The following CSMD1 variants were observed in gnomAD, a reference collection of about 807,000 sequenced individuals.
The protein encoded by CSMD1 is CUB and Sushi multiple domains 1, also known as CUB and sushi domain-containing protein 1.
In CSMD1, 213 loss-of-function variants were observed where a neutral mutation model predicts 417.5. The ratio of observed to expected loss-of-function variants is 0.51; its 90% CI spans 0.46 to 0.57. CSMD1 has a LOEUF of 0.57. Ranked by LOEUF, CSMD1 falls within the 20% of genes least tolerant of loss-of-function variation. The pLI, the probability that CSMD1 is intolerant of heterozygous loss-of-function variation, is 0.00. For synonymous variants in CSMD1, 2,862 were observed against 1,736.8 expected (o/e 1.65, Z -16.11); for missense variants, 6,923 against 4,529.7 (o/e 1.53, Z -15.17).
chr8:4,150,851 G>C (rs1015149963), intron 3 of CSMD1, among the ~76,000 whole-genome samples: 1 of 149,450 alleles, frequency 6.7e-6, no homozygotes, highest in Admixed American at 6.7e-5. Context: ...TTAACAATAT[G>C]GATTATAAAT....
chr8:3,978,824 G>C (rs1044899644), intron 5 of CSMD1, among the ~76,000 whole-genome samples: 1 of 152,052 alleles, frequency 6.6e-6, no homozygotes. Context: ...GATTTACTGA[G>C]GTCTCGTCTC....
At chr8:4,622,979 T>A (rs924247375) in intron 2 of CSMD1, among the ~76,000 whole-genome samples, 1 of 152,090 alleles carries the variant, frequency 6.6e-6, no homozygotes, top group Admixed American at 6.6e-5. Context: ...TCACATGAAA[T>A]CAGGAAACAC....
chr8:4,818,627 C>T (rs1799343699), intron 1 of CSMD1, among the ~76,000 whole-genome samples: 1 of 151,866 alleles, frequency 6.6e-6, no homozygotes. Context: ...AGGGAAAGTG[C>T]CAGTAAAAGG....
intron 59 of CSMD1, 25 bp from the exon 60 acceptor site, chr8:2,963,420 C>T (rs1318391175): frequency 1.2e-6 from 2 of 1,606,768 alleles, no homozygotes; most frequent in South Asian, 2.2e-5. Context: ...CAAACAAGAT[C>T]AACATTCCGG....
At chr8:3,140,444 A>G (rs988873593) in intron 41 of CSMD1, among the ~76,000 whole-genome samples, 1 of 152,204 alleles carries the variant, frequency 6.6e-6, no homozygotes, top group South Asian at 2.1e-4. Flanking sequence ...AAGAAGGGGA[A>G]CACAGAAAGA....
At chr8:4,133,742 TTTA>T (rs911031390) in intron 3 of CSMD1, among the ~76,000 whole-genome samples, 8 of 152,300 alleles carry the variant, frequency 5.3e-5, no homozygotes, top group African/African-American at 1.9e-4. Context: ...TATGGTTTTT[TTTA>T]TTATTTTATA....
intron 6 of CSMD1, among the ~76,000 whole-genome samples, chr8:3,746,748 C>T (rs956824359): frequency 2.0e-5 from 3 of 152,106 alleles, no homozygotes; most frequent in African/African-American, 7.2e-5. Context: ...TTACCAGATA[C>T]CCAGAAGCTG....
chr8:4,710,237 T>G (rs1305067724), intron 1 of CSMD1, among the ~76,000 whole-genome samples: 1 of 151,966 alleles, frequency 6.6e-6, no homozygotes, highest in Non-Finnish European at 1.5e-5. Context: ...TTCAAGGTAC[T>G]ATGAAATACA....
At chr8:3,820,902 C>G (rs190739141) in intron 5 of CSMD1, among the ~76,000 whole-genome samples, 1 of 151,820 alleles carries the variant, frequency 6.6e-6, no homozygotes, top group Non-Finnish European at 1.5e-5. Flanking sequence ...AAGGACCTGC[C>G]TGAGGGTGTT....
At chr8:4,560,165 T>A (rs1005503497) in intron 2 of CSMD1, among the ~76,000 whole-genome samples, 4 of 152,164 alleles carry the variant, frequency 2.6e-5, no homozygotes, top group Non-Finnish European at 5.9e-5. Flanking sequence ...ACCGCGCTCA[T>A]CTCACCGCAC....
intron 12 of CSMD1, among the ~76,000 whole-genome samples, chr8:3,415,365 T>C (rs1197254564): frequency 6.6e-6 from 1 of 152,228 alleles, no homozygotes; most frequent in Admixed American, 6.5e-5. Flanking sequence ...ACATGTTGCA[T>C]TTATTTATTT....
At chr8:3,397,464 T>C (rs564423684) in intron 16 of CSMD1, among the ~76,000 whole-genome samples, 71 of 152,336 alleles carry the variant, frequency 4.7e-4, no homozygotes, top group African/African-American at 1.7e-3. Flanking sequence ...CTGCAACTAG[T>C]GAATGTGGTA....
At chr8:4,546,550 C>G (rs1378348455) in intron 2 of CSMD1, among the ~76,000 whole-genome samples, 1 of 152,130 alleles carries the variant, frequency 6.6e-6, no homozygotes, top group South Asian at 2.1e-4. Context: ...TTCTCCTACC[C>G]TAGTACATCA....
intron 1 of CSMD1, among the ~76,000 whole-genome samples, chr8:4,992,481 G>C (rs1811523464): frequency 2.0e-5 from 3 of 152,208 alleles, no homozygotes; most frequent in African/African-American, 7.2e-5. Flanking sequence ...TGGAGTGCAG[G>C]GGAAAGGGCG....
At chr8:4,048,529 G>A (rs952059172) in intron 3 of CSMD1, among the ~76,000 whole-genome samples, 9 of 152,110 alleles carry the variant, frequency 5.9e-5, no homozygotes, top group African/African-American at 2.4e-5. Flanking sequence ...CATCCCTCAG[G>A]TTTATAAACC....
In CSMD1 at chr8:4,764,252, G is replaced by A. The variant is rs193229914; in HGVS notation, c.86-126694C>T. Among the ~76,000 whole-genome samples, 7 of 152,290 alleles carry A rather than the reference G, an allele frequency of 4.6e-5. No homozygotes were observed. In the East Asian group the frequency reaches 1.2e-3, roughly 25 times the overall value. ...ACAGTCGTATTGTACAGAGATTAGG[G>A]AAATATATTCTCTATAATATTGGGG... On this transcript the variant is annotated intron_variant, in intron 1 of 69. Coordinates refer to ENST00000635120, the MANE Select transcript of CSMD1 (RefSeq NM_033225.6).
chr8:3,918,930 G>A (rs970426823), intron 5 of CSMD1, among the ~76,000 whole-genome samples: 4 of 129,928 alleles, frequency 3.1e-5, no homozygotes, highest in African/African-American at 1.1e-4. Context: ...GGTTCAGTGT[G>A]GGCTGCTCGG....
chr8:3,774,808 G>T (rs1798810881), intron 5 of CSMD1, among the ~76,000 whole-genome samples: 1 of 152,150 alleles, frequency 6.6e-6, no homozygotes, highest in African/African-American at 2.4e-5. Context: ...CCATGACTGT[G>T]CTGCCCCGTC....
chr8:3,428,779 A>G (rs973976253), intron 12 of CSMD1, among the ~76,000 whole-genome samples: 3 of 152,220 alleles, frequency 2.0e-5, no homozygotes, highest in African/African-American at 7.2e-5. Context: ...AATCATTCAC[A>G]ATAGCCAAGA....
Sources: gnomAD v4.1 joint callset for allele counts (sites outside exome capture counted in the v4.1 genomes callset) on GRCh38, gnomAD v4.1.1 for gene constraint, MANE v1.5 for transcripts, NCBI Gene and HGNC (gene_info 2026-07-23, HGNC 2026-07-21) for gene names.